ENOX1: variants seen among roughly 807,000 people sequenced by gnomAD.
The protein encoded by ENOX1 is ecto-NOX disulfide-thiol exchanger 1, also known as candidate growth-related and time keeping constitutive hydroquinone (NADH) oxidase.
In ENOX1, 42 loss-of-function variants were observed where a neutral mutation model predicts 82.5. The observed-to-expected ratio is 0.51, with a 90% CI of 0.40 to 0.66. The LOEUF (loss-of-function observed/expected upper bound fraction) is 0.66, where lower values mean the gene tolerates loss of function less well. Ranked by LOEUF, ENOX1 falls within the 30% of genes least tolerant of loss-of-function variation. The probability of loss-of-function intolerance (pLI) is 0.00; values close to 1 mark genes in which losing one functional copy is unlikely to be tolerated. For synonymous variants in ENOX1, 271 were observed against 282.2 expected, an observed-to-expected ratio of 0.96 and a Z score of 0.40; for missense variants, 608 against 811.6, an observed-to-expected ratio of 0.75 and a Z score of 3.05.
At chr13:43,695,250 A>G (rs2086575187) in intron 1 of ENOX1, among the ~76,000 whole-genome samples, 3 of 151,986 alleles carry the variant, frequency 2.0e-5, no homozygotes, top group Admixed American at 2.0e-4. Context: ...ATATTTAAAA[A>G]AAAAAAAATG....
intron 12 of ENOX1, among the ~76,000 whole-genome samples, chr13:43,288,388 G>C (rs1434640947): frequency 1.3e-5 from 2 of 152,064 alleles, no homozygotes; most frequent in African/African-American, 2.4e-5. Flanking sequence ...ACTTAATCTG[G>C]GTTGTCGAAG....
intron 12 of ENOX1, among the ~76,000 whole-genome samples, chr13:43,276,141 A>G (rs775495901): frequency 2.6e-5 from 4 of 152,196 alleles, no homozygotes; most frequent in Non-Finnish European, 5.9e-5. Context: ...TCAGTGGGAT[A>G]ATCCTTTAAG....
At chr13:43,670,353 A>C (rs1482404039) in intron 1 of ENOX1, among the ~76,000 whole-genome samples, 1 of 151,954 alleles carries the variant, frequency 6.6e-6, no homozygotes, top group African/African-American at 2.4e-5. Context: ...TAGGTATTTC[A>C]CTCTTTATTT....
At chr13:43,631,174 C>T (rs1024080595) in intron 2 of ENOX1, among the ~76,000 whole-genome samples, 3 of 152,106 alleles carry the variant, frequency 2.0e-5, no homozygotes, top group Non-Finnish European at 4.4e-5. Context: ...TTTAATAACA[C>T]TGCAATGCAT....
chr13:43,297,143 G>C (rs2046327307), intron 12 of ENOX1, among the ~76,000 whole-genome samples: 1 of 152,196 alleles, frequency 6.6e-6, no homozygotes, highest in Non-Finnish European at 1.5e-5. Flanking sequence ...GCTTTAAAAT[G>C]GCAGAAGATG....
At chr13:43,751,552 A>T (rs1950320778) in intron 1 of ENOX1, among the ~76,000 whole-genome samples, 1 of 152,072 alleles carries the variant, frequency 6.6e-6, no homozygotes, top group Non-Finnish European at 1.5e-5. Context: ...TCTGTCCCTC[A>T]TCCCCAGGGA....
intron 2 of ENOX1, among the ~76,000 whole-genome samples, chr13:43,656,235 A>C (rs761026171): frequency 1.3e-5 from 2 of 152,226 alleles, no homozygotes; most frequent in Non-Finnish European, 2.9e-5. Flanking sequence ...GGGTAAAATA[A>C]TTCTCTGCTC....
chr13:43,763,959 A>C (rs1208870962), intron 1 of ENOX1, among the ~76,000 whole-genome samples: 1 of 152,228 alleles, frequency 6.6e-6, no homozygotes, highest in Admixed American at 6.5e-5. Flanking sequence ...TAGACCTATG[A>C]GAATTTATCT....
At chr13:43,298,787 C>G (rs1457763059) in intron 11 of ENOX1, among the ~76,000 whole-genome samples, 1 of 152,204 alleles carries the variant, frequency 6.6e-6, no homozygotes, top group Non-Finnish European at 1.5e-5. Flanking sequence ...CCCAAATTCT[C>G]ATCCCTTGAC....
chr13:43,578,648 C>T (rs9594976), intron 2 of ENOX1, among the ~76,000 whole-genome samples: 17,416 of 152,134 alleles, frequency 0.11, 1,183 homozygotes, highest in Non-Finnish European at 0.16. Context: ...TTTTTGTTCA[C>T]AATGCATCCA....
At chr13:43,674,913 T>C (rs1444105971) in intron 1 of ENOX1, among the ~76,000 whole-genome samples, 1 of 152,058 alleles carries the variant, frequency 6.6e-6, no homozygotes, top group African/African-American at 2.4e-5. Context: ...CAAAATAAAG[T>C]CTTTAAAATC....
chr13:43,321,277 C>A (rs1210261522), intron 11 of ENOX1, among the ~76,000 whole-genome samples: 3 of 152,214 alleles, frequency 2.0e-5, no homozygotes, highest in Non-Finnish European at 4.4e-5. Context: ...TTGGGTGGGG[C>A]CTGCTAACTT....
chr13:43,372,895 T>C (rs896394455), intron 5 of ENOX1, among the ~76,000 whole-genome samples: 1 of 152,004 alleles, frequency 6.6e-6, no homozygotes, highest in Non-Finnish European at 1.5e-5. Context: ...GTCCGAGTTC[T>C]AGTTCAAGGG....
intron 2 of ENOX1, among the ~76,000 whole-genome samples, chr13:43,610,851 T>C (rs2082170761): frequency 6.6e-6 from 1 of 152,138 alleles, no homozygotes; most frequent in African/African-American, 2.4e-5. Context: ...ACAAATAAAA[T>C]TGCTCATTGC....
chr13:43,483,895 G>T, intron 3 of ENOX1, 114 bp downstream of exon 3: 1 of 514,184 alleles, frequency 1.9e-6, no homozygotes, highest in Non-Finnish European at 2.5e-6. Flanking sequence ...ATGAAAATCT[G>T]TTTAAAATCT....
At chr13:43,769,817 GA>G (rs1340218341) in intron 1 of ENOX1, among the ~76,000 whole-genome samples, 3 of 152,312 alleles carry the variant, frequency 2.0e-5, no homozygotes, top group Admixed American at 2.0e-4. Flanking sequence ...TGTGACACCT[GA>G]AATTCTGCTT....
Position 43,344,599 on chromosome 13 carries a change from C to T in ENOX1, c.975G>A (p.Glu325=), listed in dbSNP as rs765050711. The change falls in exon 9 of 17, where the codon GAG becomes GAA. Residue 325 remains glutamate, a synonymous_variant. Transcript: ENST00000690772. ...TCTCCTTGGCTTCCTCCATCTCTTGCTCATGGGTGGCTTTTTCATTCATTA... is the reference window on the plus strand; with the variant it reads ...TCTCCTTGGCTTCCTCCATCTCTTGTTCATGGGTGGCTTTTTCATTCATTA... The part of the protein sequence containing the change: ...RRLMNEKATH[E]QEMEEAKENF... 6.2e-7 allele frequency: 1 copy of T among 1,614,156 alleles called. No individual in the cohort carries two copies. Among genetic ancestry groups the T allele is most frequent in the Non-Finnish European group, 8.5e-7 (1 of 1,180,024 alleles).
intron 2 of ENOX1, chr13:43,544,451 A>G (rs2078887654): frequency 6.6e-6 from 1 of 152,156 alleles, no homozygotes; most frequent in South Asian, 2.1e-4. Flanking sequence ...CTCATATATA[A>G]GCAGGCCTCT....
intron 2 of ENOX1, among the ~76,000 whole-genome samples, chr13:43,561,831 T>C (rs889799127): frequency 2.2e-4 from 33 of 151,976 alleles, no homozygotes; most frequent in African/African-American, 8.0e-4. Context: ...AATACAAAAA[T>C]TAGCCAGGCG....
Sources: gnomAD v4.1 joint callset for allele counts (sites outside exome capture counted in the v4.1 genomes callset) on GRCh38, gnomAD v4.1.1 for gene constraint, MANE v1.5 for transcripts, NCBI Gene and HGNC (gene_info 2026-07-23, HGNC 2026-07-21) for gene names.